The following KLHL29 variants were observed in gnomAD, a reference collection of about 807,000 sequenced individuals.
The protein encoded by KLHL29 is kelch like family member 29.
In KLHL29, 21 loss-of-function variants were observed where a neutral mutation model predicts 80.4. The observed-to-expected ratio is 0.26, with a 90% CI of 0.19 to 0.38. The LOEUF is 0.38. Among genes scored for constraint, KLHL29 ranks in the 10% least tolerant of loss-of-function variants. KLHL29 has a pLI of 1.00. For synonymous variants in KLHL29, 511 were observed against 526.8 expected (o/e 0.97, Z 0.41); for missense variants, 867 against 1,223.9 (o/e 0.71, Z 4.35).
chr2:23,389,008 TTAA>T (rs1196153925), intron 1 of KLHL29, among the ~76,000 whole-genome samples: 1 of 126,848 alleles, frequency 7.9e-6, no homozygotes, highest in Non-Finnish European at 1.7e-5. Flanking sequence ...TTTTTTTTTT[TTAA>T]AATCCCAGTA....
At chr2:23,487,436 G>C (rs530100276) in intron 2 of KLHL29, among the ~76,000 whole-genome samples, 1 of 152,258 alleles carries the variant, frequency 6.6e-6, no homozygotes, top group Non-Finnish European at 1.5e-5. Context: ...TGCAGCCTCT[G>C]GCTATACCCC....
Position 23,511,359 on chromosome 2 carries a change from C to T in KLHL29, c.-46+35692C>T, listed in dbSNP as rs914555828. 3.3e-5 allele frequency among the ~76,000 whole-genome samples: 5 copies of T among 152,194 alleles called. No homozygotes were observed. The South Asian group carries it at 8.3e-4, about 25-fold the overall frequency. ...TCAAGGAATCAAGACCTGCACAAGA[C>T]AATCAGAGAAAGTGTCATGCAGTAT... is the stretch of plus-strand genomic sequence containing the variant. On this transcript the variant is annotated intron_variant, in intron 2 of 13. Transcript: ENST00000486442.
At chr2:23,643,125 C>G (rs1323942404) in intron 5 of KLHL29, 1 of 587,598 alleles carries the variant, frequency 1.7e-6, no homozygotes, top group Non-Finnish European at 3.2e-6. Flanking sequence ...AGAGCCCGTC[C>G]CCCTCCAGCC....
At chr2:23,390,514 G>A (rs1293906933) in intron 1 of KLHL29, among the ~76,000 whole-genome samples, 1 of 151,554 alleles carries the variant, frequency 6.6e-6, no homozygotes, top group Non-Finnish European at 1.5e-5. Context: ...ATATATGTAT[G>A]TGTATATATA....
intron 1 of KLHL29, among the ~76,000 whole-genome samples, chr2:23,434,367 C>T (rs535649868): frequency 6.8e-6 from 1 of 146,120 alleles, no homozygotes; most frequent in African/African-American, 2.5e-5. Context: ...TGAGTCATGG[C>T]CCAAATCCAG....
intron 11 of KLHL29, among the ~76,000 whole-genome samples, chr2:23,698,712 T>C (rs764535933): frequency 3.3e-5 from 5 of 152,150 alleles, no homozygotes; most frequent in Non-Finnish European, 2.9e-5. Context: ...GCAGTCACTG[T>C]GGTTACTGGA....
intron 5 of KLHL29, among the ~76,000 whole-genome samples, chr2:23,650,019 C>T (rs1226443598): frequency 6.6e-6 from 1 of 152,226 alleles, no homozygotes; most frequent in Non-Finnish European, 1.5e-5. Context: ...GCACAGAGCC[C>T]ACGTGTGGCT....
chr2:23,424,222 A>G (rs1367716516), intron 1 of KLHL29, among the ~76,000 whole-genome samples: 2 of 152,226 alleles, frequency 1.3e-5, no homozygotes, highest in African/African-American at 4.8e-5. Context: ...AAAGTCAGCC[A>G]ATAATTCCTT....
At chr2:23,689,962 C>G (rs1671477892) in intron 6 of KLHL29, 1 of 152,362 alleles carries the variant, frequency 6.6e-6, no homozygotes, top group Non-Finnish European at 1.5e-5. Flanking sequence ...GGAGTCCACA[C>G]CTTGCCCCCT....
Position 23,703,776 on chromosome 2 carries a change from C to T in KLHL29, c.2357C>T (p.Ala786Val). The T allele has an allele frequency of 6.5e-7, 1 of 1,537,328 alleles. No individual in the cohort carries two copies. The change falls in exon 13 of 14, where the codon GCT (alanine) becomes GTT (valine). Residue 786 changes from alanine (A) to valine (V), a missense_variant. Physicochemically the swap from Ala to Val is moderately conservative, Grantham distance 64. This residue lies in a region of KLHL29 where 443 missense variants were observed against 767.0 expected (regional missense o/e 0.58). Coordinates refer to ENST00000486442, the MANE Select transcript of KLHL29 (RefSeq NM_052920.2). ...GGCTTCGTTTTCATCCTGGGCGGGGCTTATGCCAGAGCTACCACCATCTAC... is the reference window on the plus strand; with the variant it reads ...GGCTTCGTTTTCATCCTGGGCGGGGTTTATGCCAGAGCTACCACCATCTAC... ...LNGFVFILGG[A>V]YARATTIYDP... is the part of the protein sequence containing the mutation.
chr2:23,554,878 A>G (rs1344019678), intron 2 of KLHL29, among the ~76,000 whole-genome samples: 1 of 152,186 alleles, frequency 6.6e-6, no homozygotes, highest in South Asian at 2.1e-4. Flanking sequence ...GCAAGTGTCC[A>G]GGAGTCCGAC....
At chr2:23,663,490 G>GCATATGCGAAATA in intron 5 of KLHL29, among the ~76,000 whole-genome samples, 2 of 152,324 alleles carry the variant, frequency 1.3e-5, no homozygotes, top group South Asian at 4.1e-4. Context: ...GAGGTGGCGC[G>GCATATGCGAAATA]TCTGCGAGCG....
intron 2 of KLHL29, among the ~76,000 whole-genome samples, chr2:23,528,952 A>G (rs1666411855): frequency 6.6e-6 from 1 of 152,134 alleles, no homozygotes; most frequent in Admixed American, 6.5e-5. Flanking sequence ...GGGCCTTGGG[A>G]GTGGGACTCA....
intron 3 of KLHL29, among the ~76,000 whole-genome samples, chr2:23,613,263 C>G (rs1255535045): frequency 6.6e-6 from 1 of 152,016 alleles, no homozygotes; most frequent in Admixed American, 6.5e-5. Flanking sequence ...AACCAAAAGA[C>G]AAAGCTTTTC....
At chr2:23,426,646 C>T (rs1454376251) in intron 1 of KLHL29, among the ~76,000 whole-genome samples, 1 of 152,254 alleles carries the variant, frequency 6.6e-6, no homozygotes, top group Admixed American at 6.5e-5. Flanking sequence ...CTTTTGGCAT[C>T]TGAGTCACGT....
At chr2:23,683,478 C>G (rs1261234639) in intron 5 of KLHL29, among the ~76,000 whole-genome samples, 1 of 152,204 alleles carries the variant, frequency 6.6e-6, no homozygotes, top group Non-Finnish European at 1.5e-5. Flanking sequence ...GTGTGCAACC[C>G]CAACAGGGTG....
chr2:23,539,195 T>A (rs756427627), intron 2 of KLHL29, among the ~76,000 whole-genome samples: 1 of 98,486 alleles, frequency 1.0e-5, no homozygotes, highest in Non-Finnish European at 1.9e-5. Context: ...GGGATCGTAC[T>A]GGTTCACAGC....
At chr2:23,642,186 G>A (rs949040366) in intron 4 of KLHL29, among the ~76,000 whole-genome samples, 152 bp from the exon 5 acceptor site, 1 of 152,322 alleles carries the variant, frequency 6.6e-6, no homozygotes, top group Non-Finnish European at 1.5e-5. Flanking sequence ...ATCCTGGGCT[G>A]CCATGATCAC....
intron 5 of KLHL29, among the ~76,000 whole-genome samples, chr2:23,677,757 C>T (rs995146027): frequency 1.3e-5 from 2 of 152,220 alleles, no homozygotes; most frequent in South Asian, 2.1e-4. Context: ...CAGCATGCGT[C>T]GCGCTCCCTG....
Sources: allele counts gnomAD v4.1 joint callset (sites outside exome capture counted in the v4.1 genomes callset), GRCh38; gene constraint gnomAD v4.1.1; regional missense constraint gnomAD v4.1.1; transcripts MANE v1.5; gene names NCBI Gene and HGNC (gene_info 2026-07-23, HGNC 2026-07-21).